The following CREB5 variants were observed in gnomAD, a reference collection of about 807,000 sequenced individuals.
The protein encoded by CREB5 is cAMP responsive element binding protein 5, also known as cyclic AMP-responsive element-binding protein 5.
A neutral mutation model predicts 57.1 loss-of-function variants in CREB5; 19 were observed. The ratio of observed to expected loss-of-function variants is 0.33; its 90% confidence interval spans 0.23 to 0.49. The LOEUF is 0.49. Ranked by LOEUF, CREB5 falls within the 20% of genes least tolerant of loss-of-function variation. CREB5 has a pLI of 0.99. For missense variants in CREB5, 579 were observed against 671.6 expected (o/e 0.86, Z 1.52); for synonymous variants, 238 against 238.3 (o/e 1.00, Z 0.01).
At chr7:28,603,144 C>T (rs1200622787) in intron 5 of CREB5, among the ~76,000 whole-genome samples, 1 of 152,192 alleles carries the variant, frequency 6.6e-6, no homozygotes, top group Non-Finnish European at 1.5e-5. Flanking sequence ...CTTACAGGCA[C>T]TCATGATAAT....
chr7:28,346,717 C>T (rs888142977), intron 1 of CREB5, among the ~76,000 whole-genome samples: 3 of 152,172 alleles, frequency 2.0e-5, no homozygotes, highest in African/African-American at 7.2e-5. Flanking sequence ...TCAACAGAAG[C>T]AATTCTTAAA....
chr7:28,740,130 C>T (rs1189250951), intron 7 of CREB5, among the ~76,000 whole-genome samples: 1 of 152,090 alleles, frequency 6.6e-6, no homozygotes, highest in South Asian at 2.1e-4. Context: ...AAACTGGAGA[C>T]ATGTGAAAGC....
intron 1 of CREB5, among the ~76,000 whole-genome samples, chr7:28,319,076 G>T (rs12538547): frequency 2.0e-5 from 3 of 151,864 alleles, no homozygotes; most frequent in Non-Finnish European, 4.4e-5. Flanking sequence ...ACTCTTTTCT[G>T]GTTTCTTTAA....
chr7:28,645,262 TA>T (rs1798845670), intron 5 of CREB5, among the ~76,000 whole-genome samples: 2 of 152,256 alleles, frequency 1.3e-5, no homozygotes, highest in Non-Finnish European at 2.9e-5. Context: ...GATAAAATCC[TA>T]ATTACCTTTG....
intron 1 of CREB5, among the ~76,000 whole-genome samples, chr7:28,387,300 G>A (rs1787127548): frequency 6.6e-6 from 1 of 151,956 alleles, no homozygotes; most frequent in Admixed American, 6.6e-5. Flanking sequence ...TCTCATTGGG[G>A]TTTTGATTTG....
At chr7:28,593,463 G>A (rs1028915415) in intron 5 of CREB5, among the ~76,000 whole-genome samples, 7 of 152,112 alleles carry the variant, frequency 4.6e-5, no homozygotes, top group Admixed American at 6.5e-5. Flanking sequence ...TAGCGAGGCT[G>A]GCCTCTAACT....
intron 7 of CREB5, among the ~76,000 whole-genome samples, chr7:28,744,315 A>T (rs867784848): frequency 7.0e-6 from 1 of 143,186 alleles, no homozygotes; most frequent in South Asian, 2.3e-4. Flanking sequence ...CATCCATATG[A>T]CCTCTCATTT....
intron 1 of CREB5, among the ~76,000 whole-genome samples, chr7:28,486,670 T>TTAAATATA (rs1554331892): frequency 0.052 from 4,619 of 89,102 alleles, 336 homozygotes; most frequent in Middle Eastern, 0.13. Context: ...TCCTATGATT[T>TTAAATATA]TATATATATA....
chr7:28,479,469 G>T (rs1791232101), intron 1 of CREB5, among the ~76,000 whole-genome samples: 1 of 152,234 alleles, frequency 6.6e-6, no homozygotes, highest in Non-Finnish European at 1.5e-5. Flanking sequence ...AGAGAACCTT[G>T]TTCGAATGAT....
intron 9 of CREB5, among the ~76,000 whole-genome samples, chr7:28,816,583 T>TTTTTA (rs3042043): frequency 0.84 from 127,353 of 151,754 alleles, 54,183 homozygotes; most frequent in African/African-American, 0.93. Flanking sequence ...TATTTTATTA[T>TTTTTA]TTTTGTTATT....
In CREB5 at chr7:28,516,442, A is replaced by G. The variant is rs538368369; in HGVS notation, c.291+8705A>G. 5.9e-5 allele frequency among the ~76,000 whole-genome samples: 9 copies of G among 152,306 alleles called. No individual in the cohort carries two copies. The South Asian group carries it at 1.9e-3, about 32-fold the overall frequency. On this transcript the variant is annotated intron_variant, in intron 4 of 10. Coordinates refer to ENST00000357727, the MANE Select transcript of CREB5 (RefSeq NM_182898.4). ...TTAATCCTGGTGCTACAACATTGGGACTGAAGTGGGGGCAATAAATGACCG... is the reference window on the plus strand; with the variant it reads ...TTAATCCTGGTGCTACAACATTGGGGCTGAAGTGGGGGCAATAAATGACCG...
At chr7:28,561,013 T>TGTGTGCGC (rs1795243443) in intron 4 of CREB5, among the ~76,000 whole-genome samples, 3 of 40,550 alleles carry the variant, frequency 7.4e-5, no homozygotes, top group African/African-American at 1.3e-4. Context: ...TGCGTGTGTG[T>TGTGTGCGC]GTGCGTGTGT....
chr7:28,336,956 A>G (rs923063704), intron 1 of CREB5, among the ~76,000 whole-genome samples: 6 of 152,022 alleles, frequency 3.9e-5, no homozygotes, highest in African/African-American at 1.4e-4. Context: ...TTGACTCACT[A>G]GTCATTCAGG....
intron 4 of CREB5, among the ~76,000 whole-genome samples, chr7:28,514,405 T>A (rs13307242): frequency 2.4e-4 from 37 of 152,216 alleles, no homozygotes; most frequent in Non-Finnish European, 4.4e-4. Flanking sequence ...ATTTATTTTT[T>A]ATTTTTTGGA....
At chr7:28,386,278 G>T (rs1787101969) in intron 1 of CREB5, among the ~76,000 whole-genome samples, 1 of 152,112 alleles carries the variant, frequency 6.6e-6, no homozygotes, top group Admixed American at 6.5e-5. Context: ...TGTGTAAAAT[G>T]TATTTTACCC....
At chr7:28,414,702 A>G (rs1272769279) in intron 1 of CREB5, among the ~76,000 whole-genome samples, 5 of 152,146 alleles carry the variant, frequency 3.3e-5, no homozygotes, top group Non-Finnish European at 7.4e-5. Flanking sequence ...CGTAATTAGG[A>G]AAAAAATGAG....
intron 5 of CREB5, among the ~76,000 whole-genome samples, chr7:28,611,884 A>C (rs756115268): frequency 1.3e-5 from 2 of 152,038 alleles, no homozygotes; most frequent in South Asian, 4.1e-4. Flanking sequence ...GAATTTTACT[A>C]TATGTAAATT....
intron 5 of CREB5, among the ~76,000 whole-genome samples, chr7:28,635,760 T>TACTCATTCATTCATTCATTC (rs1798393644): frequency 6.6e-6 from 1 of 152,278 alleles, no homozygotes; most frequent in African/African-American, 2.4e-5. Flanking sequence ...TTCATTCATT[T>TACTCATTCATTCATTCATTC]ACTCATTCAT....
intron 4 of CREB5, among the ~76,000 whole-genome samples, chr7:28,558,004 A>G (rs1324074530): frequency 6.6e-6 from 1 of 152,344 alleles, no homozygotes; most frequent in South Asian, 2.1e-4. Context: ...TTTGCTTTCA[A>G]TATTCAGACA....
Sources: allele counts gnomAD v4.1 joint callset (sites outside exome capture counted in the v4.1 genomes callset), GRCh38; gene constraint gnomAD v4.1.1; transcripts MANE v1.5; gene names NCBI Gene and HGNC (gene_info 2026-07-23, HGNC 2026-07-21).